SEC62: variants seen among roughly 807,000 people sequenced by gnomAD.
SEC62 encodes the protein SEC62 preprotein translocation factor.
SEC62 carries 10 observed loss-of-function variants against 47.5 expected under a neutral mutation model. The ratio of observed to expected loss-of-function variants is 0.21; its 90% CI spans 0.13 to 0.36. SEC62 has a LOEUF of 0.36. Ranked by LOEUF, SEC62 falls within the 10% of genes least tolerant of loss-of-function variation. The probability of loss-of-function intolerance (pLI) is 1.00; values close to 1 mark genes in which losing one functional copy is unlikely to be tolerated. For missense variants in SEC62, 327 were observed against 464.1 expected (o/e 0.70, Z 2.71); for synonymous variants, 136 against 150.5 (o/e 0.90, Z 0.71).
chr3:169,990,475 A>G (rs1357266263), intron 7 of SEC62, among the ~76,000 whole-genome samples: 2 of 152,128 alleles, frequency 1.3e-5, no homozygotes, highest in African/African-American at 4.8e-5. Flanking sequence ...TCGGTAATCT[A>G]GTGCCACATA....
chr3:169,974,317 A>T (rs181272529), intron 1 of SEC62, among the ~76,000 whole-genome samples: 2 of 152,352 alleles, frequency 1.3e-5, no homozygotes, highest in East Asian at 3.9e-4. Flanking sequence ...GCAATTATAG[A>T]CAGTAATTAA....
At chr3:169,987,154 C>T (rs1043151631) in intron 6 of SEC62, among the ~76,000 whole-genome samples, 38 of 151,958 alleles carry the variant, frequency 2.5e-4, no homozygotes, top group Admixed American at 7.2e-4. Context: ...AGGCTGGGCT[C>T]AGTGGCTCAC....
At chr3:169,986,420 T>C (rs1576862930) in intron 6 of SEC62, among the ~76,000 whole-genome samples, 2 of 152,272 alleles carry the variant, frequency 1.3e-5, no homozygotes, top group South Asian at 2.1e-4. Context: ...CTAGCAAATA[T>C]CTTTCAAATT....
intron 6 of SEC62, among the ~76,000 whole-genome samples, chr3:169,987,661 C>T (rs769072854): frequency 3.4e-4 from 52 of 152,146 alleles, no homozygotes; most frequent in Non-Finnish European, 6.2e-4. Context: ...AACCAGGCTT[C>T]TAATTTCTTA....
At chr3:169,980,551 T>TG (rs1194189187) in intron 3 of SEC62, among the ~76,000 whole-genome samples, 5 of 152,210 alleles carry the variant, frequency 3.3e-5, no homozygotes, top group Admixed American at 3.3e-4. Context: ...GCAGGAAAAT[T>TG]GACAGAAGCA....
intron 3 of SEC62, among the ~76,000 whole-genome samples, chr3:169,981,149 C>T (rs1714963920): frequency 6.6e-6 from 1 of 152,172 alleles, no homozygotes; most frequent in South Asian, 2.1e-4. Flanking sequence ...TATATGTATT[C>T]ATAGCAGATA....
Position 169,975,725 on chromosome 3 carries a change from A to G in SEC62, c.145+9A>G, listed in dbSNP as rs1714820133. On this transcript the variant is annotated intron_variant, in intron 2 of 7. Transcript: ENST00000337002. ...GGTTGATTATTTTATTGGTAGGATT[A>G]TATCAGTAAAATCGTATTAGTGTAC... 3.2e-6 allele frequency: 5 copies of G among 1,546,276 alleles called. No individual in the cohort carries two copies. Among genetic ancestry groups the G allele is most frequent in the Non-Finnish European group, 4.5e-6 (5 of 1,118,508 alleles).
chr3:169,967,007 C>A, intron 1 of SEC62, 149 bp downstream of exon 1: 1 of 971,364 alleles, frequency 1.0e-6, no homozygotes, highest in Non-Finnish European at 1.5e-6. Flanking sequence ...CTGCAGGCTG[C>A]GCGTTGTGAG....
At chr3:169,987,206 G>A (rs546033653) in intron 6 of SEC62, among the ~76,000 whole-genome samples, 4 of 152,052 alleles carry the variant, frequency 2.6e-5, no homozygotes, top group Non-Finnish European at 5.9e-5. Context: ...GCAGGGAGAT[G>A]GCTTGAATCC....
intron 6 of SEC62, among the ~76,000 whole-genome samples, chr3:169,987,897 G>A (rs1449106621): frequency 6.6e-6 from 1 of 152,106 alleles, no homozygotes; most frequent in East Asian, 1.9e-4. Context: ...CCCTTACTTA[G>A]TAGGCAAATA....
Position 169,988,220 on chromosome 3 carries a change from T to C in SEC62, c.611-20T>C, listed in dbSNP as rs201885880. 4.1e-5 allele frequency: 66 copies of C among 1,612,676 alleles called. No homozygotes were observed. The highest frequency in any genetic ancestry group is 1.6e-4 in the Middle Eastern group (1 of 6,080). On this transcript the variant is annotated intron_variant, in intron 6 of 7. Coordinates refer to ENST00000337002, the MANE Select transcript of SEC62 (RefSeq NM_003262.4). ...TAAGTTTTTATTCTAAAATTTAACT[T>C]TTGTCATTTCTTGTTCCAGTGATTG...
At position 169,985,880 on chromosome 3, in the gene SEC62, G is replaced by A. The variant is rs942917455; in HGVS notation, c.610+15G>A. 3.2e-6 allele frequency: 5 copies of A among 1,581,918 alleles called. No individual in the cohort carries two copies. The highest frequency in any genetic ancestry group is 1.7e-5 in the Admixed American group (1 of 59,436). On this transcript the variant is annotated intron_variant, in intron 6 of 7. Transcript: ENST00000337002. ...ATTAATTCTTGGTAAGTAGTGAGAT[G>A]TTAATAGCTATAAAGTGCAATCTAA...
intron 4 of SEC62, 116 bp from the exon 5 acceptor site, chr3:169,983,045 G>A (rs927276471): frequency 4.2e-5 from 62 of 1,470,200 alleles, no homozygotes; most frequent in Non-Finnish European, 5.1e-5. Flanking sequence ...TAAATACCGT[G>A]GTTGAGAATT....
chr3:169,966,956 G>T, intron 1 of SEC62, 98 bp downstream of exon 1: 1 of 976,228 alleles, frequency 1.0e-6, no homozygotes, highest in Non-Finnish European at 1.5e-6. Flanking sequence ...CAAGGGCGAG[G>T]TGGGGTGGGG....
rs779259601 is a variant in SEC62, at chr3:169,992,867, C to T, written c.1004C>T (p.Ser335Leu). ...VGPGNHGTEGSGGERHSDTDS... is the reference protein window; with the variant it reads ...VGPGNHGTEGLGGERHSDTDS... Reference sequence around the variant, plus strand: ...CCAGGAAATCATGGAACAGAAGGCTCGGGGGGAGAACGGCATTCAGACACG... The same window carrying T: ...CCAGGAAATCATGGAACAGAAGGCTTGGGGGGAGAACGGCATTCAGACACG... The change falls in exon 8 of 8, where the codon TCG becomes TTG. Residue 335 changes from serine (S) to leucine (L), a missense_variant. Around this residue, in one of 3 missense-constraint regions of SEC62, gnomAD observed 102 missense variants for 108.8 expected, o/e 0.94. Transcript: ENST00000337002. The surrounding 1 kb of genome is among the most constrained non-coding windows in gnomAD (Gnocchi z 4.0). 7 of 1,613,564 alleles carry T rather than the reference C, an allele frequency of 4.3e-6. No individual in the cohort carries two copies. The highest frequency in any genetic ancestry group is 2.2e-5 in the South Asian group (2 of 91,048).
In SEC62 at chr3:169,979,134, G is replaced by A. The variant is rs114765452; in HGVS notation, c.251+2083G>A. ...AAGACACTCGATTTTCATTGTATAC[G>A]CTCTTCCCACTGATGTCAGATTGTT... is the stretch of plus-strand genomic sequence containing the variant. On this transcript the variant is annotated intron_variant, in intron 3 of 7. Transcript: ENST00000337002. 5.7e-3 allele frequency among the ~76,000 whole-genome samples: 866 copies of A among 152,210 alleles called. 8 individuals carry two copies. The highest frequency in any genetic ancestry group is 0.02 in the African/African-American group (828 of 41,536).
chr3:169,968,194 A>T (rs1199409173), intron 1 of SEC62, among the ~76,000 whole-genome samples: 2 of 152,162 alleles, frequency 1.3e-5, no homozygotes, highest in Admixed American at 6.5e-5. Context: ...ATTTTATTAG[A>T]TTGTATATTG....
chr3:169,986,229 A>T lies in SEC62; in HGVS notation c.610+364A>T, dbSNP rs530082672. 2.0e-5 allele frequency among the ~76,000 whole-genome samples: 3 copies of T among 152,276 alleles called. No individual in the cohort carries two copies. In the South Asian group the frequency reaches 6.2e-4, roughly 32 times the overall value. Reference sequence around the variant, plus strand: ...TAGAAAAAAATCAGCTCTCTCTAACAGTTGATAGGTATGTCTATTGTTTTA... The same window carrying T: ...TAGAAAAAAATCAGCTCTCTCTAACTGTTGATAGGTATGTCTATTGTTTTA... On this transcript the variant is annotated intron_variant, in intron 6 of 7. Coordinates refer to ENST00000337002, the MANE Select transcript of SEC62 (RefSeq NM_003262.4).
chr3:169,972,762 CT>C (rs1006949817), intron 1 of SEC62, among the ~76,000 whole-genome samples: 5 of 152,104 alleles, frequency 3.3e-5, no homozygotes, highest in African/African-American at 4.8e-5. Context: ...TTTTCTGCCC[CT>C]CTTTTTGGGA....
Sources: allele counts gnomAD v4.1 joint callset (sites outside exome capture counted in the v4.1 genomes callset), GRCh38; gene constraint gnomAD v4.1.1; regional missense constraint gnomAD v4.1.1; non-coding constraint Gnocchi (gnomAD v3.1); transcripts MANE v1.5; gene names NCBI Gene and HGNC (gene_info 2026-07-23, HGNC 2026-07-21).